Variants in NBPF12 observed in about 807,000 individuals in gnomAD.
The protein encoded by NBPF12 is NBPF member 12.
A neutral mutation model predicts 146.4 loss-of-function variants in NBPF12; 115 were observed. The observed-to-expected ratio is 0.79, with a 90% CI of 0.68 to 0.92. NBPF12 has a LOEUF of 0.92. Ranked by LOEUF, NBPF12 falls within the 40% of genes least tolerant of loss-of-function variation. The pLI, the probability that NBPF12 is intolerant of heterozygous loss-of-function variation, is 0.00. For missense variants in NBPF12, 1,205 were observed against 1,326.8 expected, an observed-to-expected ratio of 0.91 and a Z score of 1.43; for synonymous variants, 385 against 508.9, an observed-to-expected ratio of 0.76 and a Z score of 3.28.
chr1:146,963,762 A>G (rs1656014942), intron 6 of NBPF12, among the ~76,000 whole-genome samples: 1 of 149,050 alleles, frequency 6.7e-6, no homozygotes, highest in Non-Finnish European at 1.5e-5. Flanking sequence ...GAAGCATCCA[A>G]ATATGGGAAC....
Position 146,976,609 on chromosome 1 carries a change from T to G in NBPF12, c.2120-320T>G, listed in dbSNP as rs1553887372. On this transcript the variant is annotated intron_variant, in intron 16 of 33. Coordinates refer to ENST00000617844, the Ensembl canonical transcript of NBPF12. ...AACTGTGACAGGACACCAAGCCTGTTCCTGGGAATCAGATCTGGCAGGATG... is the reference window on the plus strand; with the variant it reads ...AACTGTGACAGGACACCAAGCCTGTGCCTGGGAATCAGATCTGGCAGGATG... Among the ~76,000 whole-genome samples the G allele has an allele frequency of 2.4e-3, 356 of 150,008 alleles. 5 individuals are homozygous for G. Among genetic ancestry groups the G allele is most frequent in the African/African-American group, 7.7e-3 (305 of 39,850 alleles).
chr1:146,965,871 G>A (rs1478854232), intron 8 of NBPF12, among the ~76,000 whole-genome samples: 5 of 146,898 alleles, frequency 3.4e-5, no homozygotes, highest in African/African-American at 1.3e-4. Context: ...ACTTTGAGAG[G>A]CCGAGGTGGG....
Position 146,966,779 on chromosome 1 carries a change from C to A in NBPF12, c.988+106C>A. 9 of 757,772 alleles carry A rather than the reference C, an allele frequency of 1.2e-5. No individual in the cohort carries two copies. The South Asian group carries it at 1.3e-4, about 11-fold the overall frequency. The allele number at this position is 757,772 out of a possible 1,614,324, so 46.9% of individuals were successfully genotyped here. ...CAAAAATAATGTCATCCTCCCCATA[C>A]TTCTAGGAAAACAGAAATGGGTATT... On this transcript the variant is annotated intron_variant, in intron 9 of 33. Coordinates refer to ENST00000617844, the Ensembl canonical transcript of NBPF12.
chr1:146,964,782 C>A, intron 7 of NBPF12, 111 bp from the exon 11 acceptor site: 1 of 1,574,956 alleles, frequency 6.3e-7, no homozygotes, highest in Non-Finnish European at 8.7e-7. Context: ...CTCCATTTTG[C>A]TTTCTGGGAC....
chr1:146,953,395 G>C (rs1390299247), intron 2 of NBPF12, among the ~76,000 whole-genome samples: 1 of 139,498 alleles, frequency 7.2e-6, no homozygotes, highest in Non-Finnish European at 1.5e-5. Context: ...TTGACTGGGG[G>C]GAGATTGGAT....
intron 6 of NBPF12, among the ~76,000 whole-genome samples, 198 bp downstream of exon 9, chr1:146,963,507 C>A (rs1314083916): frequency 6.6e-6 from 1 of 151,948 alleles, no homozygotes; most frequent in Non-Finnish European, 1.5e-5. Context: ...TTGCAAGTGT[C>A]CCTCCTTCCT....
chr1:146,985,912 G>C (rs1163032445), intron 23 of NBPF12, among the ~76,000 whole-genome samples, 156 bp downstream of exon 26: 20 of 150,304 alleles, frequency 1.3e-4, no homozygotes, highest in Non-Finnish European at 3.0e-4. Context: ...AGATGTTTAG[G>C]TTTCCATTTC....
intron 7 of NBPF12, 142 bp from the exon 11 acceptor site, chr1:146,964,751 C>G (rs1298732239): frequency 2.3e-6 from 3 of 1,313,542 alleles, no homozygotes; most frequent in East Asian, 2.3e-5. Context: ...AGAGGATTGC[C>G]TGTTCCCTCT....
chr1:146,994,369 G>T (rs781788147), exon 34 of NBPF12: 38 of 1,610,176 alleles, frequency 2.4e-5, no homozygotes, highest in Non-Finnish European at 3.0e-5. Context: ...AGAGCCTGAA[G>T]TCTTGCAGGA....
intron 4 of NBPF12, among the ~76,000 whole-genome samples, chr1:146,961,621 C>G (rs1444023573): frequency 6.6e-6 from 1 of 151,690 alleles, no homozygotes; most frequent in Non-Finnish European, 1.5e-5. Flanking sequence ...TCCTTCATGG[C>G]CTTATTTTCT....
intron 16 of NBPF12, among the ~76,000 whole-genome samples, chr1:146,976,266 G>C (rs1657006869): frequency 6.6e-6 from 1 of 151,212 alleles, no homozygotes; most frequent in African/African-American, 2.5e-5. Flanking sequence ...GTCGGTGAGT[G>C]AATGACTTGT....
chr1:146,964,140 T>C (rs1656038364), intron 6 of NBPF12, among the ~76,000 whole-genome samples: 1 of 146,606 alleles, frequency 6.8e-6, no homozygotes, highest in African/African-American at 2.6e-5. Flanking sequence ...GTCTTTTCAG[T>C]ATTTGGCCAC....
upstream of NBPF12, among the ~76,000 whole-genome samples, chr1:146,949,142 G>T (rs1324851648): frequency 8.8e-6 from 1 of 114,232 alleles, no homozygotes; most frequent in Non-Finnish European, 2.0e-5. Flanking sequence ...TGCCGGCATG[G>T]GTCCTCCGGC....
intron 8 of NBPF12, among the ~76,000 whole-genome samples, chr1:146,966,203 T>C (rs1439846947): frequency 6.6e-6 from 1 of 151,928 alleles, no homozygotes; most frequent in Admixed American, 6.5e-5. Flanking sequence ...GGGATAAAAA[T>C]CTCAGGGCCA....
At chr1:146,944,905 T>A, upstream of NBPF12, among the ~76,000 whole-genome samples, 1 of 114,490 alleles carries the variant, frequency 8.7e-6, no homozygotes, top group Non-Finnish European at 1.8e-5. Context: ...CCTTTCTTCC[T>A]CCCTTCCTCC....
At chr1:146,954,620 A>T (rs1401485969) in intron 2 of NBPF12, among the ~76,000 whole-genome samples, 1 of 150,482 alleles carries the variant, frequency 6.6e-6, no homozygotes, top group South Asian at 2.1e-4. Context: ...TTTGGTAGAA[A>T]TTTTCAAGCT....
rs1279157671 is a variant in NBPF12, at chr1:146,977,947, C to G, written c.2398+276C>G. Among the ~76,000 whole-genome samples the G allele has an allele frequency of 5.6e-3, 852 of 151,548 alleles. 9 individuals carry two copies. The highest frequency in any genetic ancestry group is 0.02 in the African/African-American group (801 of 41,046). On this transcript the variant is annotated intron_variant, in intron 18 of 33. Coordinates refer to ENST00000617844, the Ensembl canonical transcript of NBPF12. ...AGTATCTGTCAGGCCTCCTAACTTC[C>G]ATTCAGTATCTCTTGTCATCTGTGA...
intron 13 of NBPF12, among the ~76,000 whole-genome samples, chr1:146,972,370 C>A (rs1208751488): frequency 4.7e-5 from 7 of 147,622 alleles, no homozygotes; most frequent in Non-Finnish European, 8.9e-5. Flanking sequence ...CTGCAGCCTG[C>A]GTGACAGAGT....
At chr1:146,969,238 G>C in intron 10 of NBPF12, 144 bp from the exon 14 acceptor site, 3 of 1,063,512 alleles carry the variant, frequency 2.8e-6, no homozygotes, top group Non-Finnish European at 4.3e-6. Flanking sequence ...TCTTTCTCTT[G>C]GCCACAGTCA....
Sources: allele counts gnomAD v4.1 joint callset (sites outside exome capture counted in the v4.1 genomes callset), GRCh38; gene constraint gnomAD v4.1.1; transcripts MANE v1.5; gene names NCBI Gene and HGNC (gene_info 2026-07-23, HGNC 2026-07-21).